ERICH6B: variants seen among roughly 807,000 people sequenced by gnomAD.
ERICH6B encodes glutamate rich 6B.
ERICH6B carries 69 observed loss-of-function variants against 80.0 expected under a neutral mutation model. The observed-to-expected ratio is 0.86, with a 90% CI of 0.71 to 1.05. The LOEUF (loss-of-function observed/expected upper bound fraction) is 1.05, where lower values mean the gene tolerates loss of function less well. Ranked by LOEUF, ERICH6B falls within the 50% of genes least tolerant of loss-of-function variation. The pLI, the probability that ERICH6B is intolerant of heterozygous loss-of-function variation, is 0.00. For synonymous variants in ERICH6B, 283 were observed against 291.9 expected (o/e 0.97, Z 0.31); for missense variants, 754 against 796.1 (o/e 0.95, Z 0.64).
At chr13:45,587,370 T>C in intron 4 of ERICH6B, 138 bp from the exon 5 acceptor site, 1 of 696,122 alleles carries the variant, frequency 1.4e-6, no homozygotes, top group Non-Finnish European at 2.4e-6. Flanking sequence ...TTGAAGAGAC[T>C]AGCTGTGAAT....
chr13:45,553,656 G>A (rs544874846), intron 11 of ERICH6B, among the ~76,000 whole-genome samples: 1 of 152,204 alleles, frequency 6.6e-6, no homozygotes, highest in African/African-American at 2.4e-5. Context: ...GAGGCTAAAT[G>A]ACTTACACAA....
intron 11 of ERICH6B, among the ~76,000 whole-genome samples, chr13:45,557,250 T>C (rs1874479865): frequency 6.6e-6 from 1 of 152,218 alleles, no homozygotes. Context: ...GAATTGTCTA[T>C]TCATGTCCTT....
At chr13:45,612,943 G>A (rs1056760529) in intron 1 of ERICH6B, among the ~76,000 whole-genome samples, 3 of 152,178 alleles carry the variant, frequency 2.0e-5, no homozygotes, top group Non-Finnish European at 2.9e-5. Flanking sequence ...CCCAGGTCAC[G>A]TAGAGGCCAT....
chr13:45,587,948 A>T (rs1875987710), intron 4 of ERICH6B, among the ~76,000 whole-genome samples: 1 of 152,210 alleles, frequency 6.6e-6, no homozygotes. Context: ...GATGCCTAAC[A>T]TATAAACAGG....
rs1874803293 is a variant in ERICH6B, at chr13:45,563,877, CAG to C, written c.1188-91_1188-90del. The stretch of plus-strand genomic sequence containing the variant: ...ACAGTGCAGACAGTACTGGAGCCTG[CAG>C]AGTCTCTTTCGCAGGTGGAAATGGG... On this transcript the variant is annotated intron_variant, in intron 9 of 14. Transcript: ENST00000298738. 4.4e-6 allele frequency: 5 copies of C among 1,124,518 alleles called. No individual in the cohort carries two copies. In the African/African-American group the frequency reaches 4.7e-5, roughly 11 times the overall value. The allele number at this position is 1,124,518 out of a possible 1,614,324, so 69.7% of individuals were successfully genotyped here.
intron 2 of ERICH6B, 42 bp downstream of exon 2, chr13:45,607,522 T>C (rs1949875126): frequency 1.3e-5 from 2 of 152,322 alleles, no homozygotes; most frequent in Non-Finnish European, 2.9e-5. Context: ...CTTCAAGACA[T>C]GGGACAATGG....
intron 11 of ERICH6B, 78 bp downstream of exon 11, chr13:45,561,291 G>T: frequency 7.3e-7 from 1 of 1,361,352 alleles, no homozygotes; most frequent in Non-Finnish European, 1.0e-6. Flanking sequence ...ACAGCTCTCT[G>T]GTGGTGTATG....
intron 14 of ERICH6B, among the ~76,000 whole-genome samples, chr13:45,544,501 T>C (rs1873913551): frequency 6.6e-6 from 1 of 152,240 alleles, no homozygotes; most frequent in Non-Finnish European, 1.5e-5. Flanking sequence ...GGGTTACAGA[T>C]GCAAGTCATT....
chr13:45,559,727 T>A (rs1405462011), intron 11 of ERICH6B, among the ~76,000 whole-genome samples: 1 of 152,198 alleles, frequency 6.6e-6, no homozygotes, highest in Non-Finnish European at 1.5e-5. Context: ...TGGAGTTGAT[T>A]TCCAGTTTTA....
At chr13:45,584,547 A>G (rs1449125248) in intron 5 of ERICH6B, among the ~76,000 whole-genome samples, 1 of 152,108 alleles carries the variant, frequency 6.6e-6, no homozygotes, top group Non-Finnish European at 1.5e-5. Flanking sequence ...CCATTTCCTC[A>G]TTGTTCGTGT....
chr13:45,594,196 C>T (rs1044868376), intron 3 of ERICH6B, among the ~76,000 whole-genome samples: 6 of 152,176 alleles, frequency 3.9e-5, no homozygotes, highest in African/African-American at 1.4e-4. Context: ...CTGTTTTGTA[C>T]AATCTATCTT....
chr13:45,589,985 G>A (rs538016745), intron 4 of ERICH6B, among the ~76,000 whole-genome samples: 10 of 152,224 alleles, frequency 6.6e-5, no homozygotes, highest in African/African-American at 1.9e-4. Context: ...CCCCTACTTG[G>A]CAAAACTGGG....
chr13:45,544,635 T>A (rs1873917231), intron 14 of ERICH6B, 125 bp downstream of exon 14: 1 of 747,938 alleles, frequency 1.3e-6, no homozygotes, highest in African/African-American at 1.8e-5. Context: ...GGCCTTGTTT[T>A]TATACGGGTT....
intron 1 of ERICH6B, among the ~76,000 whole-genome samples, chr13:45,608,917 A>C (rs1949884243): frequency 6.6e-6 from 1 of 152,240 alleles, no homozygotes; most frequent in African/African-American, 2.4e-5. Flanking sequence ...CTGAGTGCTC[A>C]GATGAAGAAG....
chr13:45,590,572 G>T, intron 4 of ERICH6B, 77 bp downstream of exon 4: 1 of 1,392,144 alleles, frequency 7.2e-7, no homozygotes, highest in Non-Finnish European at 9.9e-7. Flanking sequence ...TCCCTGTCCT[G>T]TGTTCTCCAA....
At chr13:45,606,331 A>C (rs1329077644) in intron 2 of ERICH6B, among the ~76,000 whole-genome samples, 1 of 151,548 alleles carries the variant, frequency 6.6e-6, no homozygotes, top group African/African-American at 2.4e-5. Context: ...TTCAGATCTC[A>C]GAAGAATGGT....
At chr13:45,595,761 G>C (rs1876341447) in intron 3 of ERICH6B, among the ~76,000 whole-genome samples, 1 of 148,044 alleles carries the variant, frequency 6.8e-6, no homozygotes, top group Admixed American at 6.8e-5. Flanking sequence ...TCCTATCTCA[G>C]CCTCTTGAGT....
chr13:45,579,994 A>G lies in ERICH6B; in HGVS notation c.920-20T>C. 1 of 1,329,948 alleles carries G rather than the reference A, an allele frequency of 7.5e-7. No homozygotes were observed. The highest frequency in any genetic ancestry group is 9.9e-7 in the Non-Finnish European group (1 of 1,015,130). The allele number at this position is 1,329,948 out of a possible 1,614,324, so 82.4% of individuals were successfully genotyped here. ...CATGCTCTAAAAAAGAATAAGAAAA[A>G]TTATTAACAGGATACGGTATAGTGA... On this transcript the variant is annotated intron_variant, in intron 6 of 14. Transcript: ENST00000298738.
rs910083931 is a variant in ERICH6B, at chr13:45,586,945, G to T, written c.856+118C>A. The T allele has an allele frequency of 1.2e-5, 13 of 1,092,604 alleles. No homozygotes were observed. In the Admixed American group the frequency reaches 3.3e-4, roughly 28 times the overall value. The allele number at this position is 1,092,604 out of a possible 1,614,324, so 67.7% of individuals were successfully genotyped here. ...CCTCAGAGGGCAACAGAAACAGTAG[G>T]ATATCATTAGCATGAAAGGCAATAC... On this transcript the variant is annotated intron_variant, in intron 5 of 14. Coordinates refer to ENST00000298738, the MANE Select transcript of ERICH6B (RefSeq NM_182542.3).
Sources: gnomAD v4.1 joint callset for allele counts (sites outside exome capture counted in the v4.1 genomes callset) on GRCh38, gnomAD v4.1.1 for gene constraint, MANE v1.5 for transcripts, NCBI Gene and HGNC (gene_info 2026-07-23, HGNC 2026-07-21) for gene names.